Variants in ALK observed in about 807,000 individuals in gnomAD.
The protein encoded by ALK is ALK receptor tyrosine kinase.
ALK carries 74 observed loss-of-function variants against 163.1 expected under a neutral mutation model. The ratio of observed to expected loss-of-function variants is 0.45; its 90% CI spans 0.38 to 0.55. The LOEUF is 0.55. ALK is among the 20% of genes least tolerant of loss of function. The probability of loss-of-function intolerance (pLI) is 0.00; values close to 1 mark genes in which losing one functional copy is unlikely to be tolerated. For missense variants in ALK, 2,063 were observed against 2,105.3 expected (o/e 0.98, Z 0.39); for synonymous variants, 960 against 843.2 (o/e 1.14, Z -2.40).
chr2:29,342,919 G>A lies in ALK; in HGVS notation c.1283-14438C>T, dbSNP rs528355498. On this transcript the variant is annotated intron_variant, in intron 5 of 28. Transcript: ENST00000389048. ...TTTTTTTGATATGGAGTCTCGCTCT[G>A]TTGCCCAGGCTGGAGTGCAGTGGCG... is the stretch of plus-strand genomic sequence containing the variant. Among the ~76,000 whole-genome samples, 103 of 117,490 alleles carry A rather than the reference G, an allele frequency of 8.8e-4. 1 individual carries two copies. Among genetic ancestry groups the A allele is most frequent in the African/African-American group, 3.4e-3 (102 of 29,836 alleles). 77.1% of individuals were successfully genotyped at this position (117,490 alleles called of 152,430 possible).
At chr2:29,753,445 C>T (rs1680430659) in intron 1 of ALK, among the ~76,000 whole-genome samples, 1 of 152,158 alleles carries the variant, frequency 6.6e-6, no homozygotes, top group African/African-American at 2.4e-5. Context: ...CAATGATTTC[C>T]TTGATTGCCT....
intron 26 of ALK, 39 bp from the exon 27 acceptor site, chr2:29,197,715 A>C: frequency 6.6e-7 from 1 of 1,524,900 alleles, no homozygotes; most frequent in Non-Finnish European, 9.1e-7. Context: ...GGATATAGAC[A>C]CACCCACCCA....
chr2:29,449,074 G>A (rs1670756834), intron 4 of ALK, among the ~76,000 whole-genome samples: 1 of 152,104 alleles, frequency 6.6e-6, no homozygotes, highest in Admixed American at 6.5e-5. Context: ...TTCTTTGCAT[G>A]ACAATCTTCC....
intron 25 of ALK, among the ~76,000 whole-genome samples, chr2:29,208,549 G>A (rs892244594): frequency 6.6e-6 from 1 of 152,174 alleles, no homozygotes; most frequent in Non-Finnish European, 1.5e-5. Flanking sequence ...GGAGTGCGAC[G>A]GATAGCAGTG....
chr2:29,480,382 T>C (rs1671633733), intron 4 of ALK, among the ~76,000 whole-genome samples: 1 of 152,230 alleles, frequency 6.6e-6, no homozygotes, highest in South Asian at 2.1e-4. Context: ...GATATTATTT[T>C]CTATGTCTCT....
chr2:29,257,588 C>A (rs1232153046), intron 11 of ALK, among the ~76,000 whole-genome samples: 1 of 152,196 alleles, frequency 6.6e-6, no homozygotes, highest in African/African-American at 2.4e-5. Context: ...AGTTCTCGAT[C>A]GTCACTATTA....
At position 29,469,687 on chromosome 2, in the gene ALK, G is replaced by A. The variant is rs527844883; in HGVS notation, c.1154+62228C>T. On this transcript the variant is annotated intron_variant, in intron 4 of 28. Coordinates refer to ENST00000389048, the MANE Select transcript of ALK (RefSeq NM_004304.5). ...ACTCATCATCCCCCAGCCTCCCAAC[G>A]AGTTTTTAATAAGTTGTGGATTTCT... 1.5e-4 allele frequency among the ~76,000 whole-genome samples: 23 copies of A among 152,154 alleles called. No homozygotes were observed. In the South Asian group the frequency reaches 3.9e-3, roughly 26 times the overall value.
chr2:29,404,622 C>A (rs1669535891), intron 4 of ALK, among the ~76,000 whole-genome samples: 1 of 152,166 alleles, frequency 6.6e-6, no homozygotes, highest in Non-Finnish European at 1.5e-5. Flanking sequence ...TAAGCAATTT[C>A]ATTGAATTCA....
intron 4 of ALK, among the ~76,000 whole-genome samples, chr2:29,465,809 T>C (rs1671197189): frequency 6.6e-6 from 1 of 152,194 alleles, no homozygotes; most frequent in African/African-American, 2.4e-5. Flanking sequence ...ATGGCAAATA[T>C]TTAGGCAAAT....
At position 29,577,329 on chromosome 2, in the gene ALK, G is replaced by A. The variant is rs76563907; in HGVS notation, c.953-45213C>T. On this transcript the variant is annotated intron_variant, in intron 3 of 28. Transcript: ENST00000389048. The stretch of plus-strand genomic sequence containing the variant: ...AAATAAAGATGCCTACTTCAGATAC[G>A]CTTAAAGCAGATGACATCTGTCATG... Among the ~76,000 whole-genome samples the A allele has an allele frequency of 7.4e-4, 112 of 152,270 alleles. 1 individual carries two copies. Among genetic ancestry groups the A allele is most frequent in the African/African-American group, 2.6e-3 (109 of 41,546 alleles).
chr2:29,308,393 A>C (rs1324319377), intron 8 of ALK, among the ~76,000 whole-genome samples: 1 of 152,198 alleles, frequency 6.6e-6, no homozygotes, highest in Non-Finnish European at 1.5e-5. Context: ...ATGAACATAA[A>C]GTTCTTTTAT....
rs1355709394 is a variant in ALK at position 29,920,576 on chromosome 2, G to A, written c.84C>T (p.Arg28=). 1.2e-5 allele frequency: 19 copies of A among 1,583,750 alleles called. No homozygotes were observed. Among genetic ancestry groups the A allele is most frequent in the Non-Finnish European group, 1.6e-5 (19 of 1,169,626 alleles). ...AVGSGMGTGQ[R]AGSPAAGPPL... is the part of the protein sequence containing the mutation. The stretch of plus-strand genomic sequence containing the variant: ...GCGGCCCCGCAGCTGGGGAGCCCGC[G>A]CGCTGGCCGGTCCCCATCCCGGAGC... Residue 28 remains arginine (R), a synonymous_variant, in exon 1 of 29, where the codon CGC becomes CGT. Coordinates refer to ENST00000389048, the MANE Select transcript of ALK (RefSeq NM_004304.5).
chr2:29,480,281 A>T (rs73923635), intron 4 of ALK, among the ~76,000 whole-genome samples: 21 of 152,290 alleles, frequency 1.4e-4, no homozygotes, highest in African/African-American at 5.1e-4. Flanking sequence ...TTATTTATTT[A>T]AAAAAAGGAA....
intron 9 of ALK, among the ~76,000 whole-genome samples, chr2:29,291,642 A>G (rs1666025871): frequency 6.6e-6 from 1 of 152,264 alleles, no homozygotes. Flanking sequence ...TAAGCACTCA[A>G]CAAACGCTAG....
chr2:29,402,877 C>T lies in ALK; in HGVS notation c.1155-19018G>A, dbSNP rs80272394. 1.4e-3 allele frequency among the ~76,000 whole-genome samples: 217 copies of T among 152,284 alleles called. 5 individuals carry two copies. In the East Asian group the frequency reaches 0.036, roughly 26 times the overall value. The stretch of plus-strand genomic sequence containing the variant: ...CATGTGATCACCACAAATCCCTCCT[C>T]CTCCCTACCCCCTCTTTGTTACCCC... On this transcript the variant is annotated intron_variant, in intron 4 of 28. Transcript: ENST00000389048.
intron 1 of ALK, among the ~76,000 whole-genome samples, chr2:29,866,763 A>G (rs1666446356): frequency 6.6e-6 from 1 of 152,206 alleles, no homozygotes; most frequent in Non-Finnish European, 1.5e-5. Flanking sequence ...CTGAAAGAAA[A>G]TTCTTAAAGG....
intron 4 of ALK, among the ~76,000 whole-genome samples, chr2:29,506,780 T>G (rs1300217539): frequency 1.3e-5 from 2 of 151,200 alleles, no homozygotes; most frequent in Non-Finnish European, 2.9e-5. Flanking sequence ...TAAGCAGGAT[T>G]TGGATGGGGT....
At chr2:29,592,417 G>T (rs1675087465) in intron 3 of ALK, among the ~76,000 whole-genome samples, 1 of 152,174 alleles carries the variant, frequency 6.6e-6, no homozygotes, top group South Asian at 2.1e-4. Context: ...GGCTCAAGCA[G>T]GCTGCTTGGA....
Position 29,275,246 on chromosome 2 carries a change from C to A in ALK, c.1913-19G>T. On this transcript the variant is annotated intron_variant, in intron 10 of 28. Transcript: ENST00000389048. Reference sequence around the variant, plus strand: ...CCGCTAACTGCAATAGAGAAGACCCCACGGGCTGAGTTAGGTGAGGGTTGA... The same window carrying A: ...CCGCTAACTGCAATAGAGAAGACCCAACGGGCTGAGTTAGGTGAGGGTTGA... 1 of 1,613,950 alleles carries A rather than the reference C, an allele frequency of 6.2e-7. No homozygotes were observed. The highest frequency in any genetic ancestry group is 8.5e-7 in the Non-Finnish European group (1 of 1,180,026).
Sources: gnomAD v4.1 joint callset for allele counts (sites outside exome capture counted in the v4.1 genomes callset) on GRCh38, gnomAD v4.1.1 for gene constraint, MANE v1.5 for transcripts, NCBI Gene and HGNC (gene_info 2026-07-23, HGNC 2026-07-21) for gene names.